The following TNFRSF8 variants were observed in gnomAD, a reference collection of about 807,000 sequenced individuals.
TNFRSF8 encodes the protein TNF receptor superfamily member 8, also known as tumor necrosis factor receptor superfamily member 8.
Under a neutral mutation model 70.8 loss-of-function variants are expected in TNFRSF8, and 26 were observed. The ratio of observed to expected loss-of-function variants is 0.37; its 90% confidence interval spans 0.27 to 0.51. The LOEUF is 0.51. Ranked by LOEUF, TNFRSF8 falls within the 20% of genes least tolerant of loss-of-function variation. The pLI is 0.94. For missense variants in TNFRSF8, 720 were observed against 807.9 expected, an observed-to-expected ratio of 0.89 and a Z score of 1.32; for synonymous variants, 356 against 339.2, an observed-to-expected ratio of 1.05 and a Z score of -0.54.
At chr1:12,096,123 G>A (rs921327080) in intron 2 of TNFRSF8, among the ~76,000 whole-genome samples, 21 of 152,212 alleles carry the variant, frequency 1.4e-4, no homozygotes, top group African/African-American at 4.6e-4. Context: ...TCACAGTGGT[G>A]AGGAACATGG....
At position 12,113,829 on chromosome 1, in the gene TNFRSF8, G is replaced by A. The variant is rs998556150; in HGVS notation, c.794-1748G>A. The stretch of plus-strand genomic sequence containing the variant: ...CCCCTCCTTTTATGACCTGGCCTTG[G>A]AAGTCACACAGAACTTCTACCACTT... On this transcript the variant is annotated intron_variant, in intron 7 of 14. Transcript: ENST00000263932. The surrounding 1 kb of genome is among the most constrained non-coding windows in gnomAD (Gnocchi z 4.9). Among the ~76,000 whole-genome samples, 8 of 152,312 alleles carry A rather than the reference G, an allele frequency of 5.3e-5. No homozygotes were observed. Among genetic ancestry groups the A allele is most frequent in the Non-Finnish European group, 1.5e-5 (1 of 68,026 alleles).
chr1:12,122,800 A>G (rs1320795429), intron 8 of TNFRSF8, among the ~76,000 whole-genome samples: 3 of 152,170 alleles, frequency 2.0e-5, no homozygotes, highest in Admixed American at 6.6e-5. Flanking sequence ...TTCCTGGGTG[A>G]CCACAGCTGT....
chr1:12,126,127 C>A, intron 11 of TNFRSF8, 56 bp from the exon 12 acceptor site: 1 of 1,613,064 alleles, frequency 6.2e-7, no homozygotes, highest in South Asian at 1.1e-5. Context: ...TCTTTCCCTG[C>A]CTGCTCCTGC....
chr1:12,095,289 CT>C (rs758380440), intron 2 of TNFRSF8, among the ~76,000 whole-genome samples: 14,665 of 143,392 alleles, frequency 0.1, 835 homozygotes, highest in Non-Finnish European at 0.14. Flanking sequence ...GTTACTGTAT[CT>C]TTTTTTTTTT....
In TNFRSF8 at chr1:12,115,732, A is replaced by G. The variant is rs1557596211; in HGVS notation, c.946+3A>G. ...AGAGACGGTCACCAAGCCCCAGGGT[A>G]AGCAGTTCCCACCCCAGGCCTCGAC... On this transcript the variant is annotated splice_donor_region_variant and intron_variant, in intron 8 of 14. Coordinates refer to ENST00000263932, the MANE Select transcript of TNFRSF8 (RefSeq NM_001243.5). 5 of 1,613,744 alleles carry G rather than the reference A, an allele frequency of 3.1e-6. No homozygotes were observed. Among genetic ancestry groups the G allele is most frequent in the Non-Finnish European group, 4.2e-6 (5 of 1,179,736 alleles).
In TNFRSF8 at chr1:12,063,493, C is replaced by T; in HGVS notation, c.-106C>T. On this transcript the variant is annotated 5_prime_UTR_variant, in exon 1 of 15. Transcript: ENST00000263932. This position sits in a 1 kb window ranked among gnomAD's most constrained non-coding sequence, Gnocchi z 7.2. ...CGGGAGTGTGCTGGAGCCTGAAGTC[C>T]ACGCGCGCGGCTGAGAACCGCCGGG... 9.5e-7 allele frequency: 1 copy of T among 1,050,878 alleles called. No homozygotes were observed. The highest frequency in any genetic ancestry group is 1.2e-6 in the Non-Finnish European group (1 of 808,478). The allele number at this position is 1,050,878 out of a possible 1,614,324, so 65.1% of individuals were successfully genotyped here. A position where few individuals can be genotyped will look rare whatever the true frequency, so the allele number is the denominator to read the frequency against.
rs532438166 is a variant in TNFRSF8, at chr1:12,141,161, TG to T, written c.1544-1122del. On this transcript the variant is annotated intron_variant, in intron 14 of 14. Coordinates refer to ENST00000263932, the MANE Select transcript of TNFRSF8 (RefSeq NM_001243.5). The surrounding 1 kb of genome is among the most constrained non-coding windows in gnomAD (Gnocchi z 5.4). ...GGTGTGGGGGACTCGAGAACCTTTT[TG>T]GGGTTCCTGAATCCGAGGGGTATAA... Among the ~76,000 whole-genome samples the T allele has an allele frequency of 4.6e-4, 70 of 152,222 alleles. No individual in the cohort carries two copies. The highest frequency in any genetic ancestry group is 9.1e-4 in the Non-Finnish European group (62 of 68,008).
chr1:12,080,137 C>A (rs1300382573), intron 1 of TNFRSF8, among the ~76,000 whole-genome samples: 1 of 151,776 alleles, frequency 6.6e-6, no homozygotes, highest in African/African-American at 2.4e-5. Context: ...TTAGCAGAGA[C>A]GGGGTTTTGC....
Position 12,115,564 on chromosome 1 carries a change from C to T in TNFRSF8, c.794-13C>T, listed in dbSNP as rs373120260. ...ACTGATCTTTCTCCGTGATCCTCAT[C>T]TGTGTCCCTTAGATGACCTTGTGGA... On this transcript the variant is annotated splice_polypyrimidine_tract_variant and intron_variant, in intron 7 of 14. Coordinates refer to ENST00000263932, the MANE Select transcript of TNFRSF8 (RefSeq NM_001243.5). The T allele has an allele frequency of 1.2e-6, 2 of 1,614,226 alleles. No individual in the cohort carries two copies. The highest frequency in any genetic ancestry group is 3.3e-5 in the Admixed American group (2 of 60,026).
chr1:12,138,505 G>A lies in TNFRSF8; in HGVS notation c.1543+69G>A. ...GATGGGAGATGAATACGGGGCCCTGGGCCCTGGAAGGGACCTGGAGACCCT... is the reference window on the plus strand; with the variant it reads ...GATGGGAGATGAATACGGGGCCCTGAGCCCTGGAAGGGACCTGGAGACCCT... On this transcript the variant is annotated intron_variant, in intron 14 of 14. Transcript: ENST00000263932. This position sits in a 1 kb window ranked among gnomAD's most constrained non-coding sequence, Gnocchi z 5.7. 6.3e-6 allele frequency: 9 copies of A among 1,436,472 alleles called. No individual in the cohort carries two copies. Among genetic ancestry groups the A allele is most frequent in the Non-Finnish European group, 6.5e-6 (7 of 1,068,946 alleles). The allele number at this position is 1,436,472 out of a possible 1,614,324, so 89.0% of individuals were successfully genotyped here. A position where few individuals can be genotyped will look rare whatever the true frequency, so the allele number is the denominator to read the frequency against.
chr1:12,130,700 C>A (rs1254920162), intron 12 of TNFRSF8, among the ~76,000 whole-genome samples: 2 of 152,256 alleles, frequency 1.3e-5, no homozygotes, highest in African/African-American at 4.8e-5. Context: ...TTCAGAGCAG[C>A]CTGTGACACC....
At chr1:12,114,775 C>T (rs567689131) in intron 7 of TNFRSF8, among the ~76,000 whole-genome samples, 15 of 122,296 alleles carry the variant, frequency 1.2e-4, no homozygotes, top group Admixed American at 1.1e-3. Flanking sequence ...GTGGCACTAT[C>T]TTGGCTCACT....
At chr1:12,085,179 C>T (rs1395839086) in intron 2 of TNFRSF8, among the ~76,000 whole-genome samples, 2 of 152,080 alleles carry the variant, frequency 1.3e-5, no homozygotes, top group African/African-American at 2.4e-5. Flanking sequence ...GGTGCAATCT[C>T]GGCTCACTGC....
At position 12,124,834 on chromosome 1, in the gene TNFRSF8, AAAACAAAACAAAACAAAAC is replaced by A. The variant is rs1333085580; in HGVS notation, c.1153+1011_1153+1029del. 1.7e-3 allele frequency among the ~76,000 whole-genome samples: 78 copies of A among 45,108 alleles called. 1 individual carries two copies. The highest frequency in any genetic ancestry group is 4.5e-3 in the African/African-American group (68 of 15,176). The allele number at this position is 45,108 out of a possible 152,430, so 29.6% of individuals were successfully genotyped here. On this transcript the variant is annotated intron_variant, in intron 10 of 14. Coordinates refer to ENST00000263932, the MANE Select transcript of TNFRSF8 (RefSeq NM_001243.5). ...AGCAGAATGAGAATCAGTCTCAAACAAAACAAAACAAAACAAAACAAAACAAAACAAAACAAAACAAAAC... is the reference window on the plus strand; with the variant it reads ...AGCAGAATGAGAATCAGTCTCAAACAAAAACAAAACAAAACAAAACAAAAC...
At chr1:12,101,611 G>A (rs974948107) in intron 3 of TNFRSF8, among the ~76,000 whole-genome samples, 10 of 152,134 alleles carry the variant, frequency 6.6e-5, no homozygotes, top group African/African-American at 2.4e-4. Flanking sequence ...AGTAACGCAC[G>A]TGCTACGACA....
chr1:12,109,047 G>C lies in TNFRSF8; in HGVS notation c.422-519G>C, dbSNP rs1641578330. Among the ~76,000 whole-genome samples, 1 of 152,116 alleles carries C rather than the reference G, an allele frequency of 6.6e-6. No homozygotes were observed. The highest frequency in any genetic ancestry group is 2.4e-5 in the African/African-American group (1 of 41,398). ...AAGCTTCAGGCATGGCTGGATCCAG[G>C]GCTCCATCTTGCCCCATCTCTCACC... is the stretch of plus-strand genomic sequence containing the variant. On this transcript the variant is annotated intron_variant, in intron 4 of 14. Transcript: ENST00000263932. The surrounding 1 kb of genome is among the most constrained non-coding windows in gnomAD (Gnocchi z 4.4).
Position 12,109,804 on chromosome 1 carries a change from C to A in TNFRSF8, c.512+148C>A. The A allele has an allele frequency of 1.2e-6, 1 of 829,570 alleles. No individual in the cohort carries two copies. 51.4% of individuals were successfully genotyped at this position (829,570 alleles called of 1,614,324 possible). A position where few individuals can be genotyped will look rare whatever the true frequency, so the allele number is the denominator to read the frequency against. On this transcript the variant is annotated intron_variant, in intron 5 of 14. Transcript: ENST00000263932. This position sits in a 1 kb window ranked among gnomAD's most constrained non-coding sequence, Gnocchi z 4.4. ...GTCAGCACTTTGGGGTGCCTCTCTG[C>A]CAAGCCCCTCAGATCATTTGAGGCC...
At chr1:12,093,887 C>T (rs1007753858) in intron 2 of TNFRSF8, among the ~76,000 whole-genome samples, 8 of 151,738 alleles carry the variant, frequency 5.3e-5, no homozygotes, top group East Asian at 2.0e-4. Context: ...TTGGCTAACA[C>T]GGTGAAACCC....
At chr1:12,092,542 CTG>C (rs1284098236) in intron 2 of TNFRSF8, among the ~76,000 whole-genome samples, 6 of 145,574 alleles carry the variant, frequency 4.1e-5, no homozygotes, top group African/African-American at 1.5e-4. Context: ...GAGTCTCACT[CTG>C]TAACCCAGGC....
Sources: allele counts gnomAD v4.1 joint callset (sites outside exome capture counted in the v4.1 genomes callset), GRCh38; gene constraint gnomAD v4.1.1; non-coding constraint Gnocchi (gnomAD v3.1); transcripts MANE v1.5; gene names NCBI Gene and HGNC (gene_info 2026-07-23, HGNC 2026-07-21).